The following AKT2 variants were observed in gnomAD, a reference collection of about 807,000 sequenced individuals.
The protein encoded by AKT2 is RAC-beta serine/threonine-protein kinase.
Under a neutral mutation model 58.6 loss-of-function variants are expected in AKT2, and 16 were observed. The observed-to-expected ratio is 0.27, with a 90% CI of 0.18 to 0.41. The LOEUF is 0.41. Among genes scored for constraint, AKT2 ranks in the 10% least tolerant of loss-of-function variants. The pLI is 1.00. For synonymous variants in AKT2, 253 were observed against 254.0 expected (o/e 1.00, Z 0.04); for missense variants, 438 against 661.0 (o/e 0.66, Z 3.70).
intron 9 of AKT2, chr19:40,236,650 T>C: frequency 1.9e-6 from 1 of 528,996 alleles, no homozygotes; most frequent in Non-Finnish European, 3.4e-6. Context: ...CCGTCCCCAT[T>C]GTGAACTGTG....
intron 2 of AKT2, among the ~76,000 whole-genome samples, chr19:40,259,386 C>G (rs1011126203): frequency 6.6e-6 from 1 of 152,110 alleles, no homozygotes; most frequent in Admixed American, 6.5e-5. Context: ...GAATGGATAT[C>G]ACATTCTTTT....
At chr19:40,276,687 A>T (rs1325250421) in intron 1 of AKT2, among the ~76,000 whole-genome samples, 1 of 151,726 alleles carries the variant, frequency 6.6e-6, no homozygotes, top group Non-Finnish European at 1.5e-5. Context: ...CTTAACACCA[A>T]TCTGCCCAAG....
Position 40,242,628 on chromosome 19 carries a change from C to G in AKT2, c.347G>C (p.Gly116Ala), listed in dbSNP as rs141209878. Reference sequence around the variant, plus strand: ...ACACTTGTAGTCCATGGGGTCCTCGCCTGGGGCCCGCTGCTTGAGGCTGTT... The same window carrying G: ...ACACTTGTAGTCCATGGGGTCCTCGGCTGGGGCCCGCTGCTTGAGGCTGTT... ...VANSLKQRAP[G>A]EDPMDYKCGS... Residue 116 changes from glycine to alanine, a missense_variant, in exon 5 of 14, where the codon GGC (glycine) becomes GCC (alanine). Gly to Ala is a moderately conservative substitution (Grantham distance 60). This residue lies in a region of AKT2 where 244 missense variants were observed against 347.1 expected (regional missense o/e 0.70). Transcript: ENST00000392038. This position sits in a 1 kb window ranked among gnomAD's most constrained non-coding sequence, Gnocchi z 4.3. 4.0e-4 allele frequency: 649 copies of G among 1,613,694 alleles called. No homozygotes were observed. Among genetic ancestry groups the G allele is most frequent in the Non-Finnish European group, 5.2e-4 (611 of 1,180,028 alleles).
rs1372451816 is a variant in AKT2, at chr19:40,231,496, A to ATTCCCC, written c.*2375_*2376insGGGGAA. ...CTGTAGCTAACTCTGATTTCTGTAA[A>ATTCCCC]TTGGATCTGACTTTTTCTGCTTACA... On this transcript the variant is annotated 3_prime_UTR_variant, in exon 14 of 14. Transcript: ENST00000392038. 8.6e-6 allele frequency: 2 copies of ATTCCCC among 233,214 alleles called. No individual in the cohort carries two copies. Among genetic ancestry groups the ATTCCCC allele is most frequent in the Non-Finnish European group, 1.7e-5 (2 of 118,066 alleles). The allele number at this position is 233,214 out of a possible 1,614,324, so 14.4% of individuals were successfully genotyped here. A position where few individuals can be genotyped will look rare whatever the true frequency, so the allele number is the denominator to read the frequency against.
chr19:40,279,614 G>A (rs1453466654), intron 1 of AKT2: 2 of 146,980 alleles, frequency 1.4e-5, no homozygotes, highest in South Asian at 2.2e-4. Context: ...GTTCTGAGGG[G>A]TTCTGCTCCT....
chr19:40,239,803 G>C (rs1974276319), intron 7 of AKT2: 2 of 684,734 alleles, frequency 2.9e-6, no homozygotes, highest in Non-Finnish European at 2.7e-6. Context: ...GATATCTTCA[G>C]TTAGTTCAAA....
intron 1 of AKT2, among the ~76,000 whole-genome samples, chr19:40,281,031 T>G (rs2077414150): frequency 6.6e-6 from 1 of 152,198 alleles, no homozygotes; most frequent in South Asian, 2.1e-4. Context: ...TGGTGGCGGA[T>G]GAGTGAAACC....
At chr19:40,272,201 G>A (rs900393094) in intron 1 of AKT2, among the ~76,000 whole-genome samples, 10 of 152,220 alleles carry the variant, frequency 6.6e-5, no homozygotes, top group Non-Finnish European at 1.3e-4. Flanking sequence ...AAGTACAGGC[G>A]GCCTGGCTCC....
At chr19:40,239,024 T>G (rs1436429714) in intron 7 of AKT2, 51 bp from the exon 8 acceptor site, 12 of 1,585,498 alleles carry the variant, frequency 7.6e-6, no homozygotes, top group Non-Finnish European at 9.5e-6. Flanking sequence ...AGGGCTCTGC[T>G]GAGCCATGCC....
chr19:40,285,074 C>T (rs1329445213), intron 1 of AKT2, 107 bp downstream of exon 1: 2 of 387,498 alleles, frequency 5.2e-6, no homozygotes, highest in Non-Finnish European at 9.1e-6. Context: ...TCGAGGGCCG[C>T]GGTCCCCCCG....
intron 4 of AKT2, among the ~76,000 whole-genome samples, chr19:40,251,998 A>G (rs541110052): frequency 2.0e-5 from 3 of 152,292 alleles, no homozygotes; most frequent in Non-Finnish European, 4.4e-5. Flanking sequence ...CATGTGAAAC[A>G]CGTCTGCAGT....
intron 2 of AKT2, among the ~76,000 whole-genome samples, chr19:40,262,553 T>G (rs1976042131): frequency 6.6e-6 from 1 of 152,208 alleles, no homozygotes; most frequent in South Asian, 2.1e-4. Flanking sequence ...TGATTAGATG[T>G]GCTATTACTA....
intron 1 of AKT2, chr19:40,265,608 A>C: frequency 6.9e-6 from 3 of 437,106 alleles, no homozygotes; most frequent in Non-Finnish European, 8.5e-6. Context: ...CAGGACACCC[A>C]TGCTGGGGGG....
chr19:40,261,546 AAC>A (rs1006900673), intron 2 of AKT2, among the ~76,000 whole-genome samples: 4 of 151,590 alleles, frequency 2.6e-5, no homozygotes, highest in African/African-American at 4.8e-5. Flanking sequence ...AAAAAAAAAA[AAC>A]AAGACAAGTT....
At chr19:40,246,509 T>C (rs1475584851) in intron 4 of AKT2, among the ~76,000 whole-genome samples, 5 of 151,642 alleles carry the variant, frequency 3.3e-5, no homozygotes, top group South Asian at 4.2e-4. Flanking sequence ...TGATGGCGGA[T>C]TGGGAAAAAA....
intron 1 of AKT2, chr19:40,274,927 G>C (rs2077283617): frequency 2.6e-6 from 1 of 385,300 alleles, no homozygotes; most frequent in Non-Finnish European, 5.2e-6. Context: ...GGAACCCCTT[G>C]CACCCAGGGC....
At chr19:40,271,605 G>A (rs1375772059) in intron 1 of AKT2, among the ~76,000 whole-genome samples, 1 of 152,126 alleles carries the variant, frequency 6.6e-6, no homozygotes. Context: ...CGTCTTGTGA[G>A]AACATTCTGG....
intron 1 of AKT2, among the ~76,000 whole-genome samples, chr19:40,267,404 G>A (rs915793010): frequency 5.9e-5 from 9 of 152,074 alleles, no homozygotes; most frequent in African/African-American, 1.9e-4. Context: ...TCCATGTTAT[G>A]CTTCTGTCAC....
Position 40,235,451 on chromosome 19 carries a change from G to T in AKT2, c.1176-101C>A. 9.5e-7 allele frequency: 1 copy of T among 1,049,222 alleles called. No individual in the cohort carries two copies. Among genetic ancestry groups the T allele is most frequent in the Non-Finnish European group, 1.5e-6 (1 of 688,418 alleles). 65.0% of individuals were successfully genotyped at this position (1,049,222 alleles called of 1,614,324 possible). On this transcript the variant is annotated intron_variant, in intron 11 of 13. Transcript: ENST00000392038. This position sits in a 1 kb window ranked among gnomAD's most constrained non-coding sequence, Gnocchi z 6.3. ...GCCCTGTATGGCCCTTAATGATTCT[G>T]TCTTGACCACAAACCACTTCACAGA...
Sources: gnomAD v4.1 joint callset for allele counts (sites outside exome capture counted in the v4.1 genomes callset) on GRCh38, gnomAD v4.1.1 for gene constraint, gnomAD v4.1.1 regional missense constraint, Gnocchi (gnomAD v3.1) non-coding constraint, MANE v1.5 for transcripts, NCBI Gene and HGNC (gene_info 2026-07-23, HGNC 2026-07-21) for gene names.